Variants in HS6ST3 observed in about 807,000 individuals in gnomAD.
HS6ST3 encodes the protein heparan sulfate 6-O-sulfotransferase 3, also known as heparan-sulfate 6-O-sulfotransferase 3.
A neutral mutation model predicts 36.7 loss-of-function variants in HS6ST3; 12 were observed. The observed-to-expected ratio is 0.33, with a 90% CI of 0.21 to 0.53. The LOEUF (loss-of-function observed/expected upper bound fraction) is 0.53, where lower values mean the gene tolerates loss of function less well. HS6ST3 is among the 20% of genes least tolerant of loss of function. HS6ST3 has a pLI of 0.95. For missense variants in HS6ST3, 584 were observed against 640.9 expected, an observed-to-expected ratio of 0.91 and a Z score of 0.96; for synonymous variants, 240 against 257.5, an observed-to-expected ratio of 0.93 and a Z score of 0.65.
At chr13:96,358,306 C>T (rs2055219990) in intron 1 of HS6ST3, among the ~76,000 whole-genome samples, 1 of 145,930 alleles carries the variant, frequency 6.9e-6, no homozygotes, top group Non-Finnish European at 1.5e-5. Context: ...CACAGGCTAC[C>T]TATCTAATAC....
chr13:96,590,902 T>C (rs1309013267), intron 1 of HS6ST3, among the ~76,000 whole-genome samples: 1 of 152,168 alleles, frequency 6.6e-6, no homozygotes, highest in Non-Finnish European at 1.5e-5. Context: ...TTCATTCTTC[T>C]GCATTGGATA....
At chr13:96,339,246 A>G (rs991979773) in intron 1 of HS6ST3, among the ~76,000 whole-genome samples, 6 of 152,210 alleles carry the variant, frequency 3.9e-5, no homozygotes, top group Non-Finnish European at 8.8e-5. Context: ...TAAGTTGGCA[A>G]ACTCATTGAT....
chr13:96,310,930 G>A (rs2054937993), intron 1 of HS6ST3, among the ~76,000 whole-genome samples: 1 of 152,072 alleles, frequency 6.6e-6, no homozygotes, highest in Non-Finnish European at 1.5e-5. Context: ...TTCCCTGTAT[G>A]TGTTGCATGT....
At chr13:96,137,273 C>T (rs2054007213) in intron 1 of HS6ST3, among the ~76,000 whole-genome samples, 1 of 149,730 alleles carries the variant, frequency 6.7e-6, no homozygotes, top group Non-Finnish European at 1.5e-5. Context: ...TAATTTGTGT[C>T]TGACTTTCTC....
At position 96,593,340 on chromosome 13, in the gene HS6ST3, C is replaced by T. The variant is rs766235476; in HGVS notation, c.708-239150C>T. ...CTGGGATTACAGGCGCACACCACCA[C>T]GCCCAGCTAATTTTTTTTTTGTTTT... On this transcript the variant is annotated intron_variant, in intron 1 of 1. Coordinates refer to ENST00000376705, the MANE Select transcript of HS6ST3 (RefSeq NM_153456.4). Among the ~76,000 whole-genome samples the T allele has an allele frequency of 6.2e-4, 94 of 150,876 alleles. 1 individual carries two copies. Among genetic ancestry groups the T allele is most frequent in the Admixed American group, 3.2e-3 (48 of 15,150 alleles).
chr13:96,744,819 A>G (rs921735847), intron 1 of HS6ST3, among the ~76,000 whole-genome samples: 5 of 152,194 alleles, frequency 3.3e-5, no homozygotes, highest in Non-Finnish European at 4.4e-5. Flanking sequence ...TTGCATGGGC[A>G]AATTTTAAAA....
chr13:96,306,584 A>G (rs2139406846), intron 1 of HS6ST3, among the ~76,000 whole-genome samples: 1 of 152,220 alleles, frequency 6.6e-6, no homozygotes, highest in Middle Eastern at 3.4e-3. Flanking sequence ...TCCCTTTTAG[A>G]GTGACAGTGC....
intron 1 of HS6ST3, among the ~76,000 whole-genome samples, chr13:96,373,838 G>A (rs984416328): frequency 6.6e-6 from 1 of 152,092 alleles, no homozygotes; most frequent in East Asian, 1.9e-4. Context: ...CACTGATATC[G>A]ACATGAAAAG....
At chr13:96,730,267 T>G (rs761092248) in intron 1 of HS6ST3, among the ~76,000 whole-genome samples, 3 of 152,212 alleles carry the variant, frequency 2.0e-5, no homozygotes, top group Non-Finnish European at 4.4e-5. Flanking sequence ...CTCAACATGT[T>G]GCCCTTCATT....
chr13:96,341,260 G>T (rs1335468332), intron 1 of HS6ST3, among the ~76,000 whole-genome samples: 1 of 150,998 alleles, frequency 6.6e-6, no homozygotes, highest in Admixed American at 6.6e-5. Flanking sequence ...TAAAAAATAT[G>T]TTAAACTTGA....
rs1046031865 is a variant in HS6ST3 at position 96,111,493 on chromosome 13, G to T, written c.707+19924G>T. Among the ~76,000 whole-genome samples, 4 of 152,064 alleles carry T rather than the reference G, an allele frequency of 2.6e-5. No individual in the cohort carries two copies. In the East Asian group the frequency reaches 7.7e-4, roughly 29 times the overall value. Reference sequence around the variant, plus strand: ...AGCTTTTAATATCTTGGCTGCTAAGGCAAATAAATAAAACAGAGAGCCCTT... The same window carrying T: ...AGCTTTTAATATCTTGGCTGCTAAGTCAAATAAATAAAACAGAGAGCCCTT... On this transcript the variant is annotated intron_variant, in intron 1 of 1. Coordinates refer to ENST00000376705, the MANE Select transcript of HS6ST3 (RefSeq NM_153456.4).
chr13:96,757,955 G>T (rs1203757374), intron 1 of HS6ST3, among the ~76,000 whole-genome samples: 3 of 151,936 alleles, frequency 2.0e-5, no homozygotes, highest in Non-Finnish European at 2.9e-5. Context: ...TGGTCATAAA[G>T]CTATGCTGGT....
At chr13:96,370,686 C>T (rs1350580308) in intron 1 of HS6ST3, among the ~76,000 whole-genome samples, 1 of 152,090 alleles carries the variant, frequency 6.6e-6, no homozygotes, top group Non-Finnish European at 1.5e-5. Flanking sequence ...CTGAGGCAGG[C>T]AGATCACCTG....
chr13:96,359,856 G>C (rs1481751174), intron 1 of HS6ST3, among the ~76,000 whole-genome samples: 2 of 152,154 alleles, frequency 1.3e-5, no homozygotes, highest in African/African-American at 4.8e-5. Flanking sequence ...TCCATTATTA[G>C]TTTCCAGCAG....
intron 1 of HS6ST3, among the ~76,000 whole-genome samples, chr13:96,237,132 A>T (rs778553295): frequency 6.6e-6 from 1 of 152,152 alleles, no homozygotes; most frequent in Non-Finnish European, 1.5e-5. Flanking sequence ...TTTACCTCTC[A>T]CTGGGTCCCT....
rs371346119 is a variant in HS6ST3 at position 96,301,803 on chromosome 13, G to A, written c.707+210234G>A. On this transcript the variant is annotated intron_variant, in intron 1 of 1. Transcript: ENST00000376705. ...TGGGTGCCTTTAATCCCAGCTACTC[G>A]GCAGGGAGAATTGCTTGAACCCAGG... Among the ~76,000 whole-genome samples, 69 of 150,938 alleles carry A rather than the reference G, an allele frequency of 4.6e-4. 2 individuals are homozygous for A. The South Asian group carries it at 0.013, about 29-fold the overall frequency.
chr13:96,810,800 A>T (rs1037463604), intron 1 of HS6ST3, among the ~76,000 whole-genome samples: 2 of 152,238 alleles, frequency 1.3e-5, no homozygotes, highest in Non-Finnish European at 2.9e-5. Flanking sequence ...TTGCCTTTGC[A>T]GAATGGCAGG....
chr13:96,720,707 T>C (rs1335386103), intron 1 of HS6ST3, among the ~76,000 whole-genome samples: 4 of 152,232 alleles, frequency 2.6e-5, no homozygotes, highest in African/African-American at 9.6e-5. Flanking sequence ...AAATTTCTTC[T>C]ATTGATGCAA....
chr13:96,112,556 A>T (rs2053873401), intron 1 of HS6ST3, among the ~76,000 whole-genome samples: 1 of 131,956 alleles, frequency 7.6e-6, no homozygotes, highest in African/African-American at 2.8e-5. Context: ...AACATGATAA[A>T]ACCCCATCTC....
Sources: gnomAD v4.1 joint callset for allele counts (sites outside exome capture counted in the v4.1 genomes callset) on GRCh38, gnomAD v4.1.1 for gene constraint, MANE v1.5 for transcripts, NCBI Gene and HGNC (gene_info 2026-07-23, HGNC 2026-07-21) for gene names.